Variants in CDH18 observed in about 807,000 individuals in gnomAD.
CDH18 encodes cadherin 18.
In CDH18, 31 loss-of-function variants were observed where a neutral mutation model predicts 67.9. That is an observed-to-expected ratio of 0.46 (90% confidence interval 0.34 to 0.62). CDH18 has a LOEUF of 0.62. Ranked by LOEUF, CDH18 falls within the 20% of genes least tolerant of loss-of-function variation. CDH18 has a pLI of 0.01. For missense variants in CDH18, 890 were observed against 975.5 expected (o/e 0.91, Z 1.17); for synonymous variants, 362 against 347.2 (o/e 1.04, Z -0.48).
rs748084729 is a variant in CDH18 at position 19,612,617 on chromosome 5, T to G, written c.644-16A>C. On this transcript the variant is annotated splice_polypyrimidine_tract_variant and intron_variant, in intron 5 of 12. Coordinates refer to ENST00000382275, the MANE Select transcript of CDH18 (RefSeq NM_004934.5). ...CTAATAACTCCTGTAATAGATATAT[T>G]TTAATAAACAGTATGAGCTATATAA... 6.3e-7 allele frequency: 1 copy of G among 1,580,220 alleles called. No homozygotes were observed. The highest frequency in any genetic ancestry group is 8.7e-7 in the Non-Finnish European group (1 of 1,149,568).
At chr5:19,751,333 A>C (rs1266777660) in intron 3 of CDH18, among the ~76,000 whole-genome samples, 1 of 152,198 alleles carries the variant, frequency 6.6e-6, no homozygotes, top group Non-Finnish European at 1.5e-5. Flanking sequence ...AATTATGTTA[A>C]AAAGATAGGT....
chr5:19,936,341 T>C (rs1794259651), intron 2 of CDH18, among the ~76,000 whole-genome samples: 1 of 151,296 alleles, frequency 6.6e-6, no homozygotes, highest in African/African-American at 2.4e-5. Flanking sequence ...TAATTATAAA[T>C]GATGTTTGTT....
chr5:19,939,865 CTTAAT>C (rs1794649340), intron 2 of CDH18, among the ~76,000 whole-genome samples: 2 of 151,986 alleles, frequency 1.3e-5, no homozygotes, highest in African/African-American at 4.8e-5. Context: ...GGAGACTTTA[CTTAAT>C]TTAAATGCTT....
intron 2 of CDH18, among the ~76,000 whole-genome samples, chr5:20,157,910 G>C (rs1437605892): frequency 6.6e-6 from 1 of 151,998 alleles, no homozygotes; most frequent in Non-Finnish European, 1.5e-5. Flanking sequence ...AAAGTGCTGG[G>C]ATTACAGGCA....
intron 2 of CDH18, among the ~76,000 whole-genome samples, chr5:20,140,211 C>G (rs527552208): frequency 1.3e-5 from 2 of 152,060 alleles, no homozygotes; most frequent in Non-Finnish European, 2.9e-5. Flanking sequence ...AGCAAACTGT[C>G]ACAAGGATAG....
At chr5:19,580,747 T>G (rs1743112722) in intron 7 of CDH18, among the ~76,000 whole-genome samples, 1 of 151,978 alleles carries the variant, frequency 6.6e-6, no homozygotes, top group Admixed American at 6.6e-5. Context: ...GACAACAGTC[T>G]GTAAGTGATG....
At chr5:19,828,780 TA>T (rs1420535253) in intron 3 of CDH18, among the ~76,000 whole-genome samples, 1 of 152,192 alleles carries the variant, frequency 6.6e-6, no homozygotes, top group Non-Finnish European at 1.5e-5. Flanking sequence ...CTCATGCCTG[TA>T]ACCCCAGTAC....
chr5:20,227,411 G>A (rs183880165), intron 2 of CDH18, among the ~76,000 whole-genome samples: 109 of 152,024 alleles, frequency 7.2e-4, no homozygotes, highest in Middle Eastern at 6.8e-3. Flanking sequence ...ACTGGCACAC[G>A]ACTGTGCTTC....
chr5:19,944,118 A>G (rs1795081383), intron 2 of CDH18, among the ~76,000 whole-genome samples: 1 of 152,184 alleles, frequency 6.6e-6, no homozygotes, highest in South Asian at 2.1e-4. Flanking sequence ...TCCTTTTCCA[A>G]TTTAATATAT....
rs554557785 is a variant in CDH18, at chr5:20,448,799, G to A, written c.-580+126663C>T. Among the ~76,000 whole-genome samples, 5 of 152,236 alleles carry A rather than the reference G, an allele frequency of 3.3e-5. No homozygotes were observed. The East Asian group carries it at 9.7e-4, about 29-fold the overall frequency. ...CAGAAAGGGAGTAAACTTATGAAAA[G>A]TTTTTGTTTTCCGATTAACCAAAAC... is the stretch of plus-strand genomic sequence containing the variant. On this transcript the variant is annotated intron_variant, in intron 1 of 14. Coordinates refer to the CDH18 transcript ENST00000507958.
chr5:20,418,242 A>ATTTTTTTTTTTTTTTTTTTTTTTTTTTTT lies in CDH18; in HGVS notation c.-580+157219_-580+157220insAAAAAAAAAAAAAAAAAAAAAAAAAAAAA, dbSNP rs58308147. On this transcript the variant is annotated intron_variant, in intron 1 of 14. Transcript: ENST00000507958. Reference sequence around the variant, plus strand: ...AGGTGTCTGCCACCACTGCTGGCTAATTTTTTTTTTTTTTTTTTTTTTTTG... The same window carrying ATTTTTTTTTTTTTTTTTTTTTTTTTTTTT: ...AGGTGTCTGCCACCACTGCTGGCTAATTTTTTTTTTTTTTTTTTTTTTTTTTTTTTTTTTTTTTTTTTTTTTTTTTTTTG... Among the ~76,000 whole-genome samples, 29 of 56,922 alleles carry ATTTTTTTTTTTTTTTTTTTTTTTTTTTTT rather than the reference A, an allele frequency of 5.1e-4. 3 individuals carry two copies. Among genetic ancestry groups the ATTTTTTTTTTTTTTTTTTTTTTTTTTTTT allele is most frequent in the Middle Eastern group, 0.028 (2 of 72 alleles). The allele number at this position is 56,922 out of a possible 152,430, so 37.3% of individuals were successfully genotyped here.
chr5:19,715,116 T>C (rs1765184598), intron 5 of CDH18, among the ~76,000 whole-genome samples: 1 of 152,102 alleles, frequency 6.6e-6, no homozygotes, highest in Admixed American at 6.6e-5. Flanking sequence ...TCTATAGGAC[T>C]TCCAAAGATG....
Position 19,785,368 on chromosome 5 carries a change from G to C in CDH18, c.229-38132C>G, listed in dbSNP as rs1000689804. Among the ~76,000 whole-genome samples the C allele has an allele frequency of 1.6e-4, 24 of 151,568 alleles. 1 individual carries two copies. Among genetic ancestry groups the C allele is most frequent in the Non-Finnish European group, 5.9e-5 (4 of 67,916 alleles). ...TAGTAGCCACTCAATATATGCATCT[G>C]TAGGCCAGGCGCGGTGGCTCATACC... On this transcript the variant is annotated intron_variant, in intron 3 of 12. Transcript: ENST00000382275.
intron 3 of CDH18, among the ~76,000 whole-genome samples, chr5:19,800,796 A>G (rs1399402897): frequency 1.3e-5 from 2 of 151,986 alleles, no homozygotes; most frequent in African/African-American, 2.4e-5. Context: ...AAATGGTAGG[A>G]AAAAAAATGG....
chr5:19,942,755 G>A (rs1369570807), intron 2 of CDH18, among the ~76,000 whole-genome samples: 1 of 152,162 alleles, frequency 6.6e-6, no homozygotes, highest in Admixed American at 6.6e-5. Flanking sequence ...ATAGAGCAAA[G>A]TGTGAGCAGA....
chr5:20,141,905 A>T (rs953755919), intron 2 of CDH18, among the ~76,000 whole-genome samples: 2 of 152,018 alleles, frequency 1.3e-5, no homozygotes, highest in Non-Finnish European at 2.9e-5. Context: ...CTAATATTAA[A>T]GTATTAATAT....
intron 2 of CDH18, among the ~76,000 whole-genome samples, chr5:19,922,083 C>T (rs992738099): frequency 2.0e-5 from 3 of 152,062 alleles, no homozygotes; most frequent in African/African-American, 7.2e-5. Context: ...GAAAGCATTG[C>T]TGAATTAACA....
intron 8 of CDH18, among the ~76,000 whole-genome samples, chr5:19,557,400 T>C (rs528509890): frequency 2.5e-4 from 38 of 152,090 alleles, no homozygotes; most frequent in African/African-American, 8.7e-4. Flanking sequence ...GAGACTCACC[T>C]GACACAGGAC....
At position 20,351,261 on chromosome 5, in the gene CDH18, T is replaced by G. The variant is rs958092048; in HGVS notation, c.-579-95756A>C. ...AACTCCATGGGGGTTGTTTTTTTTT[T>G]TTGTTCACTGATACATCAAATGGTT... On this transcript the variant is annotated intron_variant, in intron 1 of 14. Coordinates refer to the CDH18 transcript ENST00000507958. Among the ~76,000 whole-genome samples, 8 of 151,908 alleles carry G rather than the reference T, an allele frequency of 5.3e-5. No individual in the cohort carries two copies. In the East Asian group the frequency reaches 5.8e-4, roughly 11 times the overall value.
Sources: allele counts gnomAD v4.1 joint callset (sites outside exome capture counted in the v4.1 genomes callset), GRCh38; gene constraint gnomAD v4.1.1; transcripts MANE v1.5; gene names NCBI Gene and HGNC (gene_info 2026-07-23, HGNC 2026-07-21).